Variants in PASD1 observed in about 807,000 individuals in gnomAD.
The protein encoded by PASD1 is circadian clock protein PASD1.
Under a neutral mutation model 58.8 loss-of-function variants are expected in PASD1, and 13 were observed. That is an observed-to-expected ratio of 0.22 (90% CI 0.14 to 0.35). The LOEUF is 0.35. Ranked by LOEUF, PASD1 falls within the 10% of genes least tolerant of loss-of-function variation. The probability of loss-of-function intolerance (pLI) is 1.00; values close to 1 mark genes in which losing one functional copy is unlikely to be tolerated. For missense variants in PASD1, 734 were observed against 568.3 expected (o/e 1.29, Z -2.96); for synonymous variants, 236 against 216.7 (o/e 1.09, Z -0.78).
chrX:151,631,777 T>A (rs1004246409), intron 8 of PASD1, among the ~76,000 whole-genome samples: 2 of 111,598 alleles, frequency 1.8e-5, no homozygotes, highest in African/African-American at 3.3e-5. Context: ...TGTACAATGG[T>A]CCTAGTTAGT....
intron 3 of PASD1, among the ~76,000 whole-genome samples, chrX:151,609,598 A>G (rs143511586): frequency 1.9e-4 from 21 of 112,109 alleles, no homozygotes; most frequent in African/African-American, 6.8e-4. Context: ...GCTTAGTATA[A>G]TATCTTCATG....
chrX:151,623,748 G>A (rs936326958), intron 7 of PASD1, among the ~76,000 whole-genome samples: 7 of 111,028 alleles, frequency 6.3e-5, no homozygotes, highest in East Asian at 2.8e-4. Flanking sequence ...GGTCCTTTTC[G>A]GATAATTTGT....
intron 1 of PASD1, among the ~76,000 whole-genome samples, chrX:151,568,862 C>T (rs1213837376): frequency 2.7e-5 from 3 of 111,329 alleles, no homozygotes; most frequent in Non-Finnish European, 3.8e-5. Flanking sequence ...GTGAACTTCT[C>T]CATCCGTGTG....
intron 3 of PASD1, among the ~76,000 whole-genome samples, chrX:151,607,472 C>G (rs1047247551): frequency 3.6e-5 from 4 of 111,037 alleles, no homozygotes; most frequent in Non-Finnish European, 5.7e-5. Context: ...CTCAGGATAG[C>G]GAGGGTGAGG....
chrX:151,620,747 T>C (rs982527482), intron 4 of PASD1, among the ~76,000 whole-genome samples, 183 bp from the exon 5 acceptor site: 1 of 110,473 alleles, frequency 9.1e-6, no homozygotes, highest in Admixed American at 9.7e-5. Context: ...AGTAGGATAA[T>C]GGGAATTGTA....
intron 1 of PASD1, among the ~76,000 whole-genome samples, chrX:151,597,065 A>G (rs919906473): frequency 8.9e-6 from 1 of 112,119 alleles, no homozygotes; most frequent in African/African-American, 3.2e-5. Flanking sequence ...GGTTTTTACA[A>G]TTTATTTAGA....
intron 11 of PASD1, among the ~76,000 whole-genome samples, chrX:151,667,066 T>C (rs1161742078): frequency 1.8e-5 from 2 of 111,678 alleles, no homozygotes; most frequent in Non-Finnish European, 3.8e-5. Flanking sequence ...GACTTTTTAA[T>C]GATTTTTATT....
At chrX:151,611,477 G>C (rs1458437690) in intron 3 of PASD1, among the ~76,000 whole-genome samples, 187 bp from the exon 4 acceptor site, 1 of 112,102 alleles carries the variant, frequency 8.9e-6, no homozygotes, top group African/African-American at 3.2e-5. Flanking sequence ...TCATGCTTAA[G>C]GTTAAGTAGA....
At chrX:151,618,542 T>A (rs1436329021) in intron 4 of PASD1, among the ~76,000 whole-genome samples, 1 of 112,028 alleles carries the variant, frequency 8.9e-6, no homozygotes, top group Non-Finnish European at 1.9e-5. Flanking sequence ...GTTCTAGGTG[T>A]TGAAGATATA....
At chrX:151,568,779 A>G (rs1191095047) in intron 1 of PASD1, among the ~76,000 whole-genome samples, 1 of 111,900 alleles carries the variant, frequency 8.9e-6, no homozygotes, top group African/African-American at 3.3e-5. Flanking sequence ...TTAACATTCA[A>G]GGTTATGGTG....
intron 9 of PASD1, among the ~76,000 whole-genome samples, chrX:151,659,017 A>G (rs756983144): frequency 3.6e-5 from 4 of 112,307 alleles, no homozygotes; most frequent in Non-Finnish European, 5.6e-5. Flanking sequence ...AATGGATTCT[A>G]TCTCTCACTC....
intron 8 of PASD1, among the ~76,000 whole-genome samples, chrX:151,638,890 G>A (rs895548381): frequency 8.1e-5 from 9 of 111,378 alleles, no homozygotes; most frequent in African/African-American, 2.9e-4. Context: ...AAAGTTCATT[G>A]TTTTTGGTAT....
intron 11 of PASD1, among the ~76,000 whole-genome samples, chrX:151,670,728 A>T (rs188055613): frequency 1.8e-5 from 2 of 112,005 alleles, no homozygotes; most frequent in African/African-American, 6.5e-5. Context: ...CAGGCGCAGA[A>T]TACTTTGGCA....
intron 9 of PASD1, among the ~76,000 whole-genome samples, chrX:151,656,125 G>T (rs1440330489): frequency 3.2e-4 from 36 of 111,305 alleles, no homozygotes; most frequent in Non-Finnish European, 3.8e-4. Flanking sequence ...CTTTCCCCAT[G>T]TCTTGTTTTT....
At chrX:151,622,885 T>C in intron 6 of PASD1, 52 bp from the exon 7 acceptor site, 1 of 1,152,934 alleles carries the variant, frequency 8.7e-7, no homozygotes, top group Non-Finnish European at 1.2e-6. Context: ...ATTTGTCTTC[T>C]TGTTTAACTG....
chrX:151,567,772 A>G (rs183298425), intron 1 of PASD1, among the ~76,000 whole-genome samples: 1 of 112,375 alleles, frequency 8.9e-6, no homozygotes, highest in African/African-American at 3.2e-5. Context: ...CCCAGTCTGT[A>G]GTACAGTGGC....
chrX:151,583,898 A>T (rs1342303339), intron 1 of PASD1, among the ~76,000 whole-genome samples: 1 of 112,324 alleles, frequency 8.9e-6, no homozygotes, highest in African/African-American at 3.2e-5. Context: ...TCAAAAGAAG[A>T]TCTAAAAGAG....
intron 3 of PASD1, among the ~76,000 whole-genome samples, chrX:151,610,235 C>A (rs2013538926): frequency 1.8e-5 from 2 of 111,440 alleles, no homozygotes; most frequent in South Asian, 7.5e-4. Flanking sequence ...TCTTATTTTT[C>A]CATTTGTATC....
chrX:151,612,441 A>G (rs1481293697), intron 4 of PASD1, among the ~76,000 whole-genome samples: 3 of 109,061 alleles, frequency 2.8e-5, no homozygotes, highest in Non-Finnish European at 5.7e-5. Context: ...CGACAGTGTA[A>G]AAGTGTTCCT....
Sources: gnomAD v4.1 joint callset for allele counts (sites outside exome capture counted in the v4.1 genomes callset) on GRCh38, gnomAD v4.1.1 for gene constraint, MANE v1.5 for transcripts, NCBI Gene and HGNC (gene_info 2026-07-23, HGNC 2026-07-21) for gene names.